Variants in CPLX2 observed in about 807,000 individuals in gnomAD.
CPLX2 encodes the protein complexin-2.
In CPLX2, 5 loss-of-function variants were observed where a neutral mutation model predicts 16.3. The observed-to-expected ratio is 0.31, with a 90% confidence interval of 0.16 to 0.64. The LOEUF is 0.64. Ranked by LOEUF, CPLX2 falls within the 30% of genes least tolerant of loss-of-function variation. The pLI is 0.79. For synonymous variants in CPLX2, 89 were observed against 73.2 expected (o/e 1.22, Z -1.10); for missense variants, 144 against 181.4 (o/e 0.79, Z 1.18).
chr5:175,804,867 G>A lies in CPLX2; in HGVS notation c.-168-4122G>A, dbSNP rs187481876. Among the ~76,000 whole-genome samples the A allele has an allele frequency of 3.7e-3, 564 of 152,302 alleles. 5 individuals carry two copies. Among genetic ancestry groups the A allele is most frequent in the South Asian group, 0.025 (120 of 4,826 alleles). ...TCAGACAAGAGGAAAAACCCAAGAC[G>A]TAAGAAGAGATCCTGAGGTGGACAC... is the stretch of plus-strand genomic sequence containing the variant. On this transcript the variant is annotated intron_variant, in intron 1 of 4. Transcript: ENST00000359546.
intron 1 of CPLX2, among the ~76,000 whole-genome samples, chr5:175,807,445 G>A (rs145811074): frequency 1.3e-5 from 2 of 152,322 alleles, no homozygotes; most frequent in African/African-American, 2.4e-5. Flanking sequence ...CTAAGGACAG[G>A]GAAGATGCCA....
chr5:175,860,475 AAAG>A (rs1237230522), intron 2 of CPLX2, among the ~76,000 whole-genome samples: 3 of 146,242 alleles, frequency 2.1e-5, no homozygotes, highest in African/African-American at 7.9e-5. Flanking sequence ...AGAGAGAGAG[AAAG>A]AAGAAAGAAA....
At chr5:175,840,849 G>T (rs1325909045) in intron 2 of CPLX2, among the ~76,000 whole-genome samples, 1 of 152,232 alleles carries the variant, frequency 6.6e-6, no homozygotes, top group East Asian at 1.9e-4. Context: ...CACATGGTGT[G>T]ACAAGACTTT....
At chr5:175,826,631 A>C (rs1758620744) in intron 2 of CPLX2, among the ~76,000 whole-genome samples, 2 of 152,196 alleles carry the variant, frequency 1.3e-5, no homozygotes, top group East Asian at 3.9e-4. Context: ...AAGGAGACGA[A>C]GAAAGGAATC....
At chr5:175,877,906 G>C (rs59000921) in intron 1 of CPLX2, among the ~76,000 whole-genome samples, 1 of 152,166 alleles carries the variant, frequency 6.6e-6, no homozygotes, top group African/African-American at 2.4e-5. Flanking sequence ...AATGTCTGCC[G>C]AGTGCCTGCA....
chr5:175,797,899 A>T (rs1042478436), intron 1 of CPLX2, among the ~76,000 whole-genome samples: 2 of 152,198 alleles, frequency 1.3e-5, no homozygotes, highest in African/African-American at 2.4e-5. Context: ...GCAGGAAAGC[A>T]TACGTGGAAG....
At chr5:175,831,549 T>C (rs1197369333) in intron 2 of CPLX2, among the ~76,000 whole-genome samples, 1 of 152,184 alleles carries the variant, frequency 6.6e-6, no homozygotes, top group Non-Finnish European at 1.5e-5. Context: ...TGCAAGTGTC[T>C]CTGTTATGGG....
chr5:175,871,976 A>G (rs1260094160), intron 1 of CPLX2: 2 of 151,754 alleles, frequency 1.3e-5, no homozygotes, highest in East Asian at 4.0e-4. Flanking sequence ...CGTGGGCCCT[A>G]GCCGGAGACT....
intron 2 of CPLX2, among the ~76,000 whole-genome samples, chr5:175,828,078 C>T (rs1255274333): frequency 6.6e-6 from 1 of 152,184 alleles, no homozygotes; most frequent in Non-Finnish European, 1.5e-5. Context: ...GATTAACTGC[C>T]TCACATGAAA....
chr5:175,808,382 T>G (rs1758251833), intron 1 of CPLX2, among the ~76,000 whole-genome samples: 1 of 152,070 alleles, frequency 6.6e-6, no homozygotes, highest in African/African-American at 2.4e-5. Context: ...CAAAGTCATG[T>G]AACGGCCAAC....
At chr5:175,819,492 T>C (rs1758469503) in intron 2 of CPLX2, among the ~76,000 whole-genome samples, 1 of 152,180 alleles carries the variant, frequency 6.6e-6, no homozygotes, top group Non-Finnish European at 1.5e-5. Context: ...CAAAGACGAG[T>C]AGGTTAAACA....
rs964757923 is a variant in CPLX2 at position 175,845,232 on chromosome 5, A to C, written c.-88-33420A>C. Among the ~76,000 whole-genome samples the C allele has an allele frequency of 6.6e-6, 1 of 152,228 alleles. No individual in the cohort carries two copies. The highest frequency in any genetic ancestry group is 1.5e-5 in the Non-Finnish European group (1 of 68,042). On this transcript the variant is annotated intron_variant, in intron 2 of 4. Transcript: ENST00000359546. This position sits in a 1 kb window ranked among gnomAD's most constrained non-coding sequence, Gnocchi z 4.0. ...AGAAAGCTCCTTAAAAGGGAATCAC[A>C]CATGTCCCTCCTGTACTTACAACCC... is the stretch of plus-strand genomic sequence containing the variant.
chr5:175,829,261 G>A (rs909832011), intron 2 of CPLX2, among the ~76,000 whole-genome samples: 1 of 152,248 alleles, frequency 6.6e-6, no homozygotes, highest in Non-Finnish European at 1.5e-5. Flanking sequence ...GGAGGAAACT[G>A]CGGCTCAGCG....
chr5:175,839,168 A>AT (rs1758899204), intron 2 of CPLX2, among the ~76,000 whole-genome samples: 1 of 152,168 alleles, frequency 6.6e-6, no homozygotes, highest in Non-Finnish European at 1.5e-5. Context: ...AGTAGCTGGG[A>AT]TTATAGGCAC....
At chr5:175,814,128 T>G (rs2113636604) in intron 2 of CPLX2, among the ~76,000 whole-genome samples, 1 of 152,170 alleles carries the variant, frequency 6.6e-6, no homozygotes. Flanking sequence ...GAGGCAAGAG[T>G]CACCTGGCAA....
At position 175,809,047 on chromosome 5, in the gene CPLX2, C is replaced by T. The variant is rs1247435665; in HGVS notation, c.-110C>T. On this transcript the variant is annotated 5_prime_UTR_variant, in exon 2 of 5. Transcript: ENST00000359546. This position sits in a 1 kb window ranked among gnomAD's most constrained non-coding sequence, Gnocchi z 4.4. ...CTCAGCGACTGAAGGTGCCCGCATC[C>T]CAGCTCTGCCAGGAAGCAAAGGTAA... is the stretch of plus-strand genomic sequence containing the variant. 2 of 152,362 alleles carry T rather than the reference C, an allele frequency of 1.3e-5. No individual in the cohort carries two copies. Among genetic ancestry groups the T allele is most frequent in the African/African-American group, 2.4e-5 (1 of 41,436 alleles). 9.4% of individuals were successfully genotyped at this position (152,362 alleles called of 1,614,324 possible).
intron 1 of CPLX2, among the ~76,000 whole-genome samples, chr5:175,804,596 G>A (rs762023068): frequency 3.9e-5 from 6 of 152,194 alleles, no homozygotes; most frequent in Non-Finnish European, 7.3e-5. Context: ...GCTACTCAAT[G>A]TGTGGTCCAC....
chr5:175,806,568 G>A (rs1053264780), intron 1 of CPLX2, among the ~76,000 whole-genome samples: 10 of 152,208 alleles, frequency 6.6e-5, no homozygotes, highest in South Asian at 4.1e-4. Context: ...TTGGCTCACC[G>A]CAACCTCTGC....
chr5:175,855,502 T>A (rs758883674), intron 2 of CPLX2, among the ~76,000 whole-genome samples: 1 of 152,194 alleles, frequency 6.6e-6, no homozygotes, highest in African/African-American at 2.4e-5. Context: ...ACTGATAAGT[T>A]CAAGGGTAGA....
Sources: allele counts gnomAD v4.1 joint callset (sites outside exome capture counted in the v4.1 genomes callset), GRCh38; gene constraint gnomAD v4.1.1; non-coding constraint Gnocchi (gnomAD v3.1); transcripts MANE v1.5; gene names NCBI Gene and HGNC (gene_info 2026-07-23, HGNC 2026-07-21).